Variants in B4GALT6 observed in about 807,000 individuals in gnomAD.
B4GALT6 encodes beta-1,4-galactosyltransferase 6, also known as UDP-Gal:beta-GlcNAc beta-1,4-galactosyltransferase 6.
B4GALT6 carries 14 observed loss-of-function variants against 46.3 expected under a neutral mutation model. The ratio of observed to expected loss-of-function variants is 0.30; its 90% CI spans 0.20 to 0.47. B4GALT6 has a LOEUF of 0.47. B4GALT6 is among the 20% of genes least tolerant of loss of function. The pLI is 0.99. For missense variants in B4GALT6, 386 were observed against 480.1 expected (o/e 0.80, Z 1.83); for synonymous variants, 168 against 162.0 (o/e 1.04, Z -0.28).
chr18:31,644,447 G>T (rs1185115473), intron 4 of B4GALT6, among the ~76,000 whole-genome samples: 7 of 151,770 alleles, frequency 4.6e-5, no homozygotes, highest in Admixed American at 2.0e-4. Context: ...GGTTTTTTTT[G>T]GGGGTGGGGG....
chr18:31,687,882 TAGTC>T (rs760071306), upstream of B4GALT6, among the ~76,000 whole-genome samples: 18 of 152,194 alleles, frequency 1.2e-4, no homozygotes, highest in Non-Finnish European at 2.1e-4. Context: ...ATATTTTACT[TAGTC>T]TGTGCTGACT....
intron 1 of B4GALT6, among the ~76,000 whole-genome samples, chr18:31,671,436 A>G (rs2074356297): frequency 6.6e-6 from 1 of 152,096 alleles, no homozygotes; most frequent in Non-Finnish European, 1.5e-5. Context: ...AATGATCACC[A>G]CTGTAACTGG....
the B4GALT6 span, among the ~76,000 whole-genome samples, chr18:31,704,730 G>A: frequency 6.6e-6 from 1 of 152,138 alleles, no homozygotes; most frequent in Non-Finnish European, 1.5e-5. Context: ...TACTAGCAAT[G>A]GCCATGGAAG....
chr18:31,685,131 G>A (rs1234283509), upstream of B4GALT6, among the ~76,000 whole-genome samples: 14 of 146,334 alleles, frequency 9.6e-5, no homozygotes, highest in Admixed American at 1.4e-4. Context: ...CGGGAGCTGA[G>A]CACAGGCCAG....
At chr18:31,718,837 T>C in the B4GALT6 span, 1 of 152,278 alleles carries the variant, frequency 6.6e-6, no homozygotes, top group East Asian at 1.9e-4. Context: ...ATAGCATAAG[T>C]AGCATTTTTT....
chr18:31,637,954 C>G (rs1311123500), intron 5 of B4GALT6, among the ~76,000 whole-genome samples: 1 of 152,122 alleles, frequency 6.6e-6, no homozygotes, highest in African/African-American at 2.4e-5. Context: ...TGAAACTTTA[C>G]AGAGGTTTTC....
chr18:31,684,597 G>A (rs2074521165), upstream of B4GALT6: 2 of 1,364,040 alleles, frequency 1.5e-6, no homozygotes, highest in Admixed American at 5.5e-5. Flanking sequence ...GGGAGGGAGC[G>A]GACGGAATGA....
At chr18:31,690,161 G>A (rs745988959), upstream of B4GALT6, among the ~76,000 whole-genome samples, 1 of 152,020 alleles carries the variant, frequency 6.6e-6, no homozygotes, top group Non-Finnish European at 1.5e-5. Context: ...ACAGACTCTC[G>A]CTCTGTTGTC....
At chr18:31,653,616 G>C (rs2074103342) in intron 3 of B4GALT6, among the ~76,000 whole-genome samples, 4 of 151,388 alleles carry the variant, frequency 2.6e-5, no homozygotes, top group Admixed American at 2.6e-4. Context: ...TAATTTTTGT[G>C]TGTGTGTTTT....
chr18:31,684,587 G>C (rs563499609), upstream of B4GALT6: 892 of 1,400,442 alleles, frequency 6.4e-4, 27 homozygotes, highest in Admixed American at 0.022. Context: ...AAGAGGAAAT[G>C]GGAGGGAGCG....
upstream of B4GALT6, chr18:31,684,823 G>C: frequency 1.0e-6 from 1 of 982,466 alleles, no homozygotes; most frequent in Non-Finnish European, 1.2e-6. Context: ...CCCCTGCGGA[G>C]AGGGGCAGCT....
the B4GALT6 span, among the ~76,000 whole-genome samples, chr18:31,705,609 G>A: frequency 2.0e-5 from 3 of 152,110 alleles, no homozygotes; most frequent in Admixed American, 1.3e-4. Flanking sequence ...GGCTGTTCTC[G>A]AACGCTGACC....
the B4GALT6 span, among the ~76,000 whole-genome samples, chr18:31,704,748 T>C: frequency 6.6e-6 from 1 of 152,222 alleles, no homozygotes; most frequent in Non-Finnish European, 1.5e-5. Flanking sequence ...AAGAGTTTTT[T>C]TCATATTAAA....
chr18:31,705,038 T>A, the B4GALT6 span, among the ~76,000 whole-genome samples: 1 of 152,012 alleles, frequency 6.6e-6, no homozygotes, highest in Non-Finnish European at 1.5e-5. Flanking sequence ...ACAAGACAAA[T>A]AAGACAAAAG....
chr18:31,714,682 AC>A, the B4GALT6 span, among the ~76,000 whole-genome samples: 2 of 152,176 alleles, frequency 1.3e-5, no homozygotes, highest in African/African-American at 4.8e-5. Context: ...TGAAGTTTCT[AC>A]CCCTGCCTTG....
chr18:31,711,182 T>C, the B4GALT6 span, among the ~76,000 whole-genome samples: 1 of 152,222 alleles, frequency 6.6e-6, no homozygotes, highest in Non-Finnish European at 1.5e-5. Context: ...TGGTTCTCCC[T>C]GTCTGCTCTC....
intron 6 of B4GALT6, among the ~76,000 whole-genome samples, chr18:31,629,722 C>T (rs761010915): frequency 4.7e-5 from 7 of 149,888 alleles, no homozygotes; most frequent in East Asian, 2.0e-4. Flanking sequence ...TGGTGGCAGG[C>T]GCCTGTAGTC....
intron 3 of B4GALT6, among the ~76,000 whole-genome samples, chr18:31,649,581 A>G (rs1276125681): frequency 1.3e-5 from 2 of 151,308 alleles, no homozygotes; most frequent in East Asian, 1.9e-4. Flanking sequence ...TGAGCAAAAA[A>G]AAAAAAAAAA....
chr18:31,637,172 G>C (rs965357155), intron 5 of B4GALT6, among the ~76,000 whole-genome samples: 1 of 152,222 alleles, frequency 6.6e-6, no homozygotes, highest in Admixed American at 6.5e-5. Context: ...CAAAAAGTAA[G>C]TCAAGGTCAT....
Sources: allele counts gnomAD v4.1 joint callset (sites outside exome capture counted in the v4.1 genomes callset), GRCh38; gene constraint gnomAD v4.1.1; transcripts MANE v1.5; gene names NCBI Gene and HGNC (gene_info 2026-07-23, HGNC 2026-07-21).